The following NREP variants were observed in gnomAD, a reference collection of about 807,000 sequenced individuals.
NREP encodes the protein neuronal regeneration related protein, also known as neuronal regeneration-related protein.
NREP carries 5 observed loss-of-function variants against 8.6 expected under a neutral mutation model. The ratio of observed to expected loss-of-function variants is 0.58; its 90% CI spans 0.30 to 1.22. NREP has a LOEUF of 1.22. Ranked by LOEUF, NREP falls within the 50% of genes most tolerant of loss-of-function variation. The pLI is 0.07. For synonymous variants in NREP, 27 were observed against 28.0 expected, an observed-to-expected ratio of 0.96 and a Z score of 0.11; for missense variants, 86 against 82.5, an observed-to-expected ratio of 1.04 and a Z score of -0.17.
At chr5:111,930,033 C>T (rs180977195) in intron 2 of NREP, among the ~76,000 whole-genome samples, 2 of 152,262 alleles carry the variant, frequency 1.3e-5, no homozygotes, top group Admixed American at 1.3e-4. Flanking sequence ...TGAGACATGA[C>T]AGACTGCTGG....
chr5:111,770,180 T>C (rs1413692679), intron 2 of NREP, among the ~76,000 whole-genome samples: 1 of 152,232 alleles, frequency 6.6e-6, no homozygotes, highest in Non-Finnish European at 1.5e-5. Context: ...TTTTTCAATT[T>C]TTATAACCCC....
intron 2 of NREP, among the ~76,000 whole-genome samples, chr5:111,883,928 G>A (rs1014676485): frequency 6.6e-6 from 1 of 151,960 alleles, no homozygotes; most frequent in African/African-American, 2.4e-5. Context: ...AAAAGCAAGA[G>A]CAAACACATT....
At chr5:111,728,805 CT>C (rs1433983147), downstream of NREP, 2 of 152,048 alleles carry the variant, frequency 1.3e-5, no homozygotes, top group African/African-American at 2.4e-5. Flanking sequence ...GCCTTAATGA[CT>C]TTAAATTCTG....
chr5:111,847,655 G>GTCTA (rs1753215400), intron 2 of NREP, among the ~76,000 whole-genome samples: 1 of 152,126 alleles, frequency 6.6e-6, no homozygotes, highest in African/African-American at 2.4e-5. Flanking sequence ...GTCAGCCTGT[G>GTCTA]TCTATCTGTA....
intron 2 of NREP, among the ~76,000 whole-genome samples, chr5:111,886,332 G>A (rs1006834878): frequency 2.0e-5 from 3 of 152,076 alleles, no homozygotes; most frequent in African/African-American, 2.4e-5. Flanking sequence ...ACAGGTGCTG[G>A]AGAGGATGTG....
chr5:111,904,802 A>T (rs779871767), intron 2 of NREP, among the ~76,000 whole-genome samples: 1 of 152,068 alleles, frequency 6.6e-6, no homozygotes, highest in Non-Finnish European at 1.5e-5. Flanking sequence ...CTTCTCTGTT[A>T]TCTCATTATC....
chr5:111,728,823 A>T (rs571171787), downstream of NREP: 1 of 152,284 alleles, frequency 6.6e-6, no homozygotes, highest in East Asian at 1.9e-4. Context: ...TCTGTCTCAA[A>T]TTTTTATCCT....
chr5:111,756,270 C>T, intron 1 of NREP: 8 of 935,646 alleles, frequency 8.6e-6, no homozygotes, highest in Non-Finnish European at 1.0e-5. Flanking sequence ...TTGGAAATGG[C>T]ACTGCATTAC....
chr5:111,903,773 G>A (rs539018103), intron 2 of NREP, among the ~76,000 whole-genome samples: 1 of 152,210 alleles, frequency 6.6e-6, no homozygotes, highest in African/African-American at 2.4e-5. Context: ...CACTCCCGAT[G>A]AATGGAGACA....
At chr5:111,854,556 T>C (rs1753383907) in intron 2 of NREP, among the ~76,000 whole-genome samples, 1 of 152,194 alleles carries the variant, frequency 6.6e-6, no homozygotes. Flanking sequence ...CTAGAAAATC[T>C]CTAGGGTGCC....
At chr5:111,833,873 C>T (rs766859180) in intron 2 of NREP, among the ~76,000 whole-genome samples, 1 of 152,194 alleles carries the variant, frequency 6.6e-6, no homozygotes, top group African/African-American at 2.4e-5. Flanking sequence ...TGAGCAGAGG[C>T]ACTGAATTCC....
chr5:111,896,374 A>T (rs1231246700), intron 2 of NREP, among the ~76,000 whole-genome samples: 1 of 152,214 alleles, frequency 6.6e-6, no homozygotes, highest in Non-Finnish European at 1.5e-5. Context: ...GGAAAAATCA[A>T]CAATTCTGTT....
chr5:111,731,169 T>G, intron 3 of NREP, 123 bp from the exon 4 acceptor site: 5 of 950,832 alleles, frequency 5.3e-6, no homozygotes, highest in Non-Finnish European at 6.2e-6. Context: ...CCTTGAACTC[T>G]TGCTGTTTTG....
At chr5:111,917,080 C>A (rs1433443687) in intron 2 of NREP, among the ~76,000 whole-genome samples, 1 of 152,068 alleles carries the variant, frequency 6.6e-6, no homozygotes, top group Non-Finnish European at 1.5e-5. Context: ...TCTTGTGTCC[C>A]TTTTCCCATG....
At chr5:111,894,871 G>A (rs1754471964) in intron 2 of NREP, among the ~76,000 whole-genome samples, 2 of 152,174 alleles carry the variant, frequency 1.3e-5, no homozygotes, top group African/African-American at 4.8e-5. Context: ...GGTGATCATG[G>A]CAAAGTGTAA....
At chr5:111,953,422 T>C (rs1239159764) in intron 2 of NREP, among the ~76,000 whole-genome samples, 2 of 152,168 alleles carry the variant, frequency 1.3e-5, no homozygotes, top group African/African-American at 2.4e-5. Context: ...ACTTTTCTTC[T>C]GCATCACTGG....
At chr5:111,769,917 A>T (rs1327114947) in intron 2 of NREP, among the ~76,000 whole-genome samples, 2 of 152,192 alleles carry the variant, frequency 1.3e-5, no homozygotes, top group Non-Finnish European at 2.9e-5. Context: ...GGGGACACAG[A>T]GCCAAACGCC....
chr5:111,866,055 A>G (rs1209050176), intron 2 of NREP, among the ~76,000 whole-genome samples: 1 of 152,188 alleles, frequency 6.6e-6, no homozygotes, highest in Non-Finnish European at 1.5e-5. Flanking sequence ...CTCTATGGAC[A>G]CTCAGGTAGG....
chr5:111,748,723 A>G (rs1750167804), intron 2 of NREP, among the ~76,000 whole-genome samples: 2 of 152,172 alleles, frequency 1.3e-5, no homozygotes, highest in African/African-American at 4.8e-5. Flanking sequence ...AAACTTTTCT[A>G]CATCTGAATT....
Sources: allele counts gnomAD v4.1 joint callset (sites outside exome capture counted in the v4.1 genomes callset), GRCh38; gene constraint gnomAD v4.1.1; transcripts MANE v1.5; gene names NCBI Gene and HGNC (gene_info 2026-07-23, HGNC 2026-07-21).